CADPS2: variants seen among roughly 807,000 people sequenced by gnomAD.
CADPS2 encodes calcium-dependent secretion activator 2.
A neutral mutation model predicts 172.5 loss-of-function variants in CADPS2; 93 were observed. The observed-to-expected ratio is 0.54, with a 90% CI of 0.46 to 0.64. CADPS2 has a LOEUF of 0.64. Ranked by LOEUF, CADPS2 falls within the 30% of genes least tolerant of loss-of-function variation. The pLI is 0.00. For missense variants in CADPS2, 1,420 were observed against 1,565.9 expected (o/e 0.91, Z 1.57); for synonymous variants, 546 against 555.2 (o/e 0.98, Z 0.23).
At chr7:122,586,086 C>T (rs1436335115) in intron 6 of CADPS2, among the ~76,000 whole-genome samples, 1 of 151,744 alleles carries the variant, frequency 6.6e-6, no homozygotes, top group East Asian at 1.9e-4. Context: ...AACTATTTTG[C>T]TACTTTATAA....
At chr7:122,323,206 T>C (rs944499226) in intron 29 of CADPS2, among the ~76,000 whole-genome samples, 1 of 152,176 alleles carries the variant, frequency 6.6e-6, no homozygotes, top group Admixed American at 6.5e-5. Flanking sequence ...TATTTCTAAT[T>C]ATTAAATAGA....
intron 1 of CADPS2, among the ~76,000 whole-genome samples, chr7:122,870,019 C>G (rs1239587539): frequency 2.0e-5 from 3 of 151,856 alleles, no homozygotes; most frequent in African/African-American, 7.3e-5. Flanking sequence ...CAAAGGAACA[C>G]AGCAAAAGAA....
chr7:122,571,848 T>C (rs1046702254), intron 7 of CADPS2, among the ~76,000 whole-genome samples: 3 of 152,152 alleles, frequency 2.0e-5, no homozygotes, highest in African/African-American at 7.2e-5. Flanking sequence ...TTATAAGTAG[T>C]TATCATGGAA....
chr7:122,663,254 G>T lies in CADPS2; in HGVS notation c.769C>A (p.Leu257Ile). 1 of 1,611,700 alleles carries T rather than the reference G, an allele frequency of 6.2e-7. No individual in the cohort carries two copies. Among genetic ancestry groups the T allele is most frequent in the Non-Finnish European group, 8.5e-7 (1 of 1,178,272 alleles). Residue 257 changes from leucine to isoleucine, a missense_variant, in exon 3 of 30, where the codon CTT becomes ATT. Physicochemically the swap from Leu to Ile is conservative, Grantham distance 5 (BLOSUM62 2). Transcript: ENST00000449022. The part of the protein sequence containing the change: ...LGIKKLEHQL[L>I]YNACQLDNAD... ...CCACTTACCTGACATGCATTATAAA[G>T]GAGCTGGTGTTCCAGTTTTTTAATA...
intron 1 of CADPS2, among the ~76,000 whole-genome samples, chr7:122,819,853 A>G (rs563279880): frequency 6.6e-6 from 1 of 151,992 alleles, no homozygotes; most frequent in South Asian, 2.1e-4. Context: ...TGGCATGATC[A>G]TGCACCCCTT....
intron 7 of CADPS2, among the ~76,000 whole-genome samples, chr7:122,555,672 A>G (rs1395992809): frequency 2.0e-5 from 3 of 152,118 alleles, no homozygotes; most frequent in Non-Finnish European, 4.4e-5. Flanking sequence ...GAGGCAACAC[A>G]AAGTGATTGT....
At chr7:122,645,525 TAAGTA>T (rs2078392607) in intron 3 of CADPS2, among the ~76,000 whole-genome samples, 1 of 28,754 alleles carries the variant, frequency 3.5e-5, no homozygotes, top group Admixed American at 3.7e-4. Context: ...TATATATATA[TAAGTA>T]TATATATATA....
At chr7:122,806,943 A>G (rs147534423) in intron 1 of CADPS2, among the ~76,000 whole-genome samples, 3 of 152,276 alleles carry the variant, frequency 2.0e-5, no homozygotes, top group Non-Finnish European at 4.4e-5. Context: ...CACCAAATCC[A>G]CTGTTTATTT....
intron 2 of CADPS2, among the ~76,000 whole-genome samples, chr7:122,735,050 T>C (rs2092047533): frequency 6.6e-6 from 1 of 152,118 alleles, no homozygotes; most frequent in South Asian, 2.1e-4. Context: ...TCTGGAAAGC[T>C]TTCAAAAGCA....
intron 16 of CADPS2, 130 bp from the exon 17 acceptor site, chr7:122,438,594 T>C: frequency 9.4e-7 from 1 of 1,068,112 alleles, no homozygotes; most frequent in South Asian, 1.5e-5. Flanking sequence ...TGACTATTAT[T>C]AGGGAGAGGG....
chr7:122,438,999 G>A (rs1219269997), intron 16 of CADPS2, among the ~76,000 whole-genome samples: 4 of 151,878 alleles, frequency 2.6e-5, no homozygotes, highest in Admixed American at 1.3e-4. Flanking sequence ...TGAATACCAC[G>A]GCAGTGTATT....
At chr7:122,765,634 T>A (rs1443967019) in intron 1 of CADPS2, among the ~76,000 whole-genome samples, 2 of 152,146 alleles carry the variant, frequency 1.3e-5, no homozygotes, top group Non-Finnish European at 2.9e-5. Flanking sequence ...GAAAATAACA[T>A]GTCCTCTATA....
At chr7:122,354,429 CCT>C (rs929915993) in intron 27 of CADPS2, 11 of 152,118 alleles carry the variant, frequency 7.2e-5, no homozygotes, top group East Asian at 3.9e-4. Flanking sequence ...AAGTAACCCC[CCT>C]GTTATGCAGC....
At chr7:122,322,201 C>T (rs1165627534) in intron 29 of CADPS2, among the ~76,000 whole-genome samples, 2 of 152,110 alleles carry the variant, frequency 1.3e-5, no homozygotes, top group African/African-American at 4.8e-5. Context: ...ATTATTGTTC[C>T]ACTAACAATT....
chr7:122,536,833 C>G (rs1563629797), intron 8 of CADPS2, among the ~76,000 whole-genome samples: 1 of 152,070 alleles, frequency 6.6e-6, no homozygotes, highest in Non-Finnish European at 1.5e-5. Flanking sequence ...AGCTCTCAAG[C>G]TACCTTGGTC....
At chr7:122,865,084 G>A (rs1817940905) in intron 1 of CADPS2, among the ~76,000 whole-genome samples, 1 of 152,108 alleles carries the variant, frequency 6.6e-6, no homozygotes, top group Non-Finnish European at 1.5e-5. Context: ...GGTGGGTGGT[G>A]AGGGAGTTCT....
At chr7:122,787,899 C>G (rs1413602778) in intron 1 of CADPS2, among the ~76,000 whole-genome samples, 2 of 152,110 alleles carry the variant, frequency 1.3e-5, no homozygotes, top group Admixed American at 1.3e-4. Context: ...GGTCCAGCCA[C>G]CAGCTTAAAA....
chr7:122,423,891 C>G (rs1050536314), intron 17 of CADPS2, among the ~76,000 whole-genome samples: 14 of 152,034 alleles, frequency 9.2e-5, no homozygotes, highest in Non-Finnish European at 1.8e-4. Flanking sequence ...CCAGTAGTTA[C>G]GAAAAACAAA....
At chr7:122,441,437 C>T in intron 16 of CADPS2, 75 bp downstream of exon 16, 1 of 919,424 alleles carries the variant, frequency 1.1e-6, no homozygotes, top group South Asian at 1.9e-5. Context: ...CGGGGTCTGT[C>T]TCCCTAGTTC....
Sources: gnomAD v4.1 joint callset for allele counts (sites outside exome capture counted in the v4.1 genomes callset) on GRCh38, gnomAD v4.1.1 for gene constraint, MANE v1.5 for transcripts, NCBI Gene and HGNC (gene_info 2026-07-23, HGNC 2026-07-21) for gene names.